The following ZNF407 variants were observed in gnomAD, a reference collection of about 807,000 sequenced individuals.
ZNF407 encodes the protein zinc finger protein 407.
Under a neutral mutation model 131.2 loss-of-function variants are expected in ZNF407, and 17 were observed. The ratio of observed to expected loss-of-function variants is 0.13; its 90% CI spans 0.09 to 0.19. The LOEUF (loss-of-function observed/expected upper bound fraction) is 0.19, where lower values mean the gene tolerates loss of function less well. ZNF407 is among the 10% of genes least tolerant of loss of function. The pLI, the probability that ZNF407 is intolerant of heterozygous loss-of-function variation, is 1.00. For synonymous variants in ZNF407, 1,156 were observed against 1,062.0 expected, an observed-to-expected ratio of 1.09 and a Z score of -1.72; for missense variants, 2,681 against 2,830.6, an observed-to-expected ratio of 0.95 and a Z score of 1.20.
intron 1 of ZNF407, among the ~76,000 whole-genome samples, chr18:74,614,151 A>G (rs889554702): frequency 1.8e-4 from 28 of 152,236 alleles, no homozygotes; most frequent in African/African-American, 6.0e-4. Context: ...TTATAATTCA[A>G]TGGTTACTAC....
Position 74,720,693 on chromosome 18 carries a change from G to T in ZNF407, c.4803-60735G>T, listed in dbSNP as rs200779458. ...ATTTTTGTGTAGGGTTAGAGGTGGG[G>T]GTCTAGTTTCATTCTTCTGCAAATG... On this transcript the variant is annotated intron_variant, in intron 3 of 8. Transcript: ENST00000299687. Among the ~76,000 whole-genome samples the T allele has an allele frequency of 2.6e-5, 4 of 151,992 alleles. No homozygotes were observed. In the East Asian group the frequency reaches 7.7e-4, roughly 29 times the overall value.
chr18:74,659,698 G>A (rs950676347), intron 3 of ZNF407, among the ~76,000 whole-genome samples: 4 of 152,112 alleles, frequency 2.6e-5, no homozygotes, highest in African/African-American at 7.2e-5. Flanking sequence ...TTGAGTTAGC[G>A]GCAAAGTAAA....
chr18:74,892,879 G>T (rs762509658), intron 7 of ZNF407, among the ~76,000 whole-genome samples: 3 of 152,108 alleles, frequency 2.0e-5, no homozygotes, highest in African/African-American at 7.2e-5. Context: ...GTCTGTGCAT[G>T]TTCCAGATTT....
chr18:74,880,474 C>G (rs897951239), intron 5 of ZNF407, among the ~76,000 whole-genome samples: 1 of 152,088 alleles, frequency 6.6e-6, no homozygotes, highest in Non-Finnish European at 1.5e-5. Flanking sequence ...GCTACTGGTA[C>G]TAATATAGAT....
chr18:75,023,220 A>C (rs1973132305), intron 8 of ZNF407, among the ~76,000 whole-genome samples: 1 of 152,094 alleles, frequency 6.6e-6, no homozygotes, highest in Non-Finnish European at 1.5e-5. Flanking sequence ...GCTACTACAT[A>C]CTGGGCTTAA....
chr18:74,868,983 A>G (rs1971050987), intron 4 of ZNF407, among the ~76,000 whole-genome samples: 1 of 152,188 alleles, frequency 6.6e-6, no homozygotes, highest in South Asian at 2.1e-4. Context: ...CCCAAACATA[A>G]TTTCTTATTG....
chr18:74,992,867 T>G (rs1013274939), intron 8 of ZNF407, among the ~76,000 whole-genome samples: 5 of 152,282 alleles, frequency 3.3e-5, no homozygotes, highest in African/African-American at 1.2e-4. Flanking sequence ...AAAAAGCACA[T>G]GAAATGATGC....
chr18:74,928,794 G>A (rs1037186414), intron 8 of ZNF407, among the ~76,000 whole-genome samples: 1 of 152,102 alleles, frequency 6.6e-6, no homozygotes, highest in Non-Finnish European at 1.5e-5. Flanking sequence ...CTTCAGGGCC[G>A]GAGCTAGTTT....
chr18:74,859,821 G>A (rs1285650128), intron 4 of ZNF407, among the ~76,000 whole-genome samples: 1 of 152,150 alleles, frequency 6.6e-6, no homozygotes, highest in Non-Finnish European at 1.5e-5. Flanking sequence ...GATAGGACCT[G>A]GCCCCATGGT....
chr18:74,652,877 T>C (rs929207343), intron 3 of ZNF407, among the ~76,000 whole-genome samples: 3 of 151,990 alleles, frequency 2.0e-5, no homozygotes, highest in Non-Finnish European at 4.4e-5. Flanking sequence ...ATTAGTGAGT[T>C]TGGAATAAAT....
intron 4 of ZNF407, among the ~76,000 whole-genome samples, chr18:74,857,817 G>A (rs1236351529): frequency 6.6e-6 from 1 of 151,924 alleles, no homozygotes; most frequent in East Asian, 1.9e-4. Flanking sequence ...GATGGCAAAT[G>A]TATCTTATGA....
intron 3 of ZNF407, among the ~76,000 whole-genome samples, chr18:74,742,500 T>C (rs374374230): frequency 9.7e-4 from 148 of 152,304 alleles, no homozygotes; most frequent in African/African-American, 3.3e-3. Context: ...TTTTCAGAGA[T>C]AGTTTGAATC....
At chr18:74,672,038 T>C (rs1201831981) in intron 3 of ZNF407, among the ~76,000 whole-genome samples, 1 of 152,100 alleles carries the variant, frequency 6.6e-6, no homozygotes, top group Non-Finnish European at 1.5e-5. Flanking sequence ...GCATGTGTCT[T>C]TATGGTAGAG....
intron 1 of ZNF407, among the ~76,000 whole-genome samples, chr18:74,623,959 C>G (rs963735800): frequency 2.0e-5 from 3 of 152,106 alleles, no homozygotes; most frequent in Admixed American, 2.0e-4. Flanking sequence ...AAACGTAATG[C>G]TTGAAGAAGA....
intron 3 of ZNF407, among the ~76,000 whole-genome samples, chr18:74,724,957 C>CT (rs764474205): frequency 8.5e-5 from 13 of 152,170 alleles, no homozygotes; most frequent in African/African-American, 3.1e-4. Context: ...ATCTGTGAGG[C>CT]TTCAACCTTT....
At chr18:75,001,794 G>GAAAT (rs2122160690) in intron 8 of ZNF407, among the ~76,000 whole-genome samples, 1 of 152,352 alleles carries the variant, frequency 6.6e-6, no homozygotes, top group South Asian at 2.1e-4. Context: ...TAGGTTGTAT[G>GAAAT]TGGAATCTGT....
Position 74,635,008 on chromosome 18 carries a change from C to A in ZNF407, c.3989C>A (p.Thr1330Lys). 6.2e-7 allele frequency: 1 copy of A among 1,613,980 alleles called. No individual in the cohort carries two copies. The highest frequency in any genetic ancestry group is 8.5e-7 in the Non-Finnish European group (1 of 1,179,884). ...LEEDGPASDS[T>K]VESSDVYETI... is the part of the protein sequence containing the mutation. ...GAGGATGGCCCAGCTTCTGATAGCA[C>A]AGTTGAAAGTAGTGATGTCTATGAA... Residue 1330 changes from threonine (T) to lysine (K), a missense_variant, in exon 2 of 9, where the codon ACA becomes AAA. Thr to Lys is a moderately conservative substitution (Grantham distance 78, BLOSUM62 -1). Coordinates refer to ENST00000299687, the MANE Select transcript of ZNF407 (RefSeq NM_017757.3). The surrounding 1 kb of genome is among the most constrained non-coding windows in gnomAD (Gnocchi z 4.7).
intron 8 of ZNF407, among the ~76,000 whole-genome samples, chr18:75,038,877 CAG>C (rs922422442): frequency 6.6e-6 from 1 of 152,194 alleles, no homozygotes; most frequent in Non-Finnish European, 1.5e-5. Flanking sequence ...TCTGAATAAA[CAG>C]GGGCTGTTAA....
chr18:74,918,631 G>T (rs1047014071), intron 7 of ZNF407, among the ~76,000 whole-genome samples: 1 of 152,176 alleles, frequency 6.6e-6, no homozygotes, highest in African/African-American at 2.4e-5. Context: ...TCAGGGAAAT[G>T]TAACACCCAG....
Sources: gnomAD v4.1 joint callset for allele counts (sites outside exome capture counted in the v4.1 genomes callset) on GRCh38, gnomAD v4.1.1 for gene constraint, Gnocchi (gnomAD v3.1) non-coding constraint, MANE v1.5 for transcripts, NCBI Gene and HGNC (gene_info 2026-07-23, HGNC 2026-07-21) for gene names.